Variants in RGS6 observed in about 807,000 individuals in gnomAD.
The protein encoded by RGS6 is regulator of G protein signaling 6.
Under a neutral mutation model 78.5 loss-of-function variants are expected in RGS6, and 30 were observed. The ratio of observed to expected loss-of-function variants is 0.38; its 90% CI spans 0.29 to 0.52. The LOEUF (loss-of-function observed/expected upper bound fraction) is 0.52. Ranked by LOEUF, RGS6 falls within the 20% of genes least tolerant of loss-of-function variation. The probability of loss-of-function intolerance (pLI) is 0.85; values close to 1 mark genes in which losing one functional copy is unlikely to be tolerated. For synonymous variants in RGS6, 206 were observed against 206.0 expected (o/e 1.00, Z 0.00); for missense variants, 495 against 609.7 (o/e 0.81, Z 1.98).
rs112362956 is a variant in RGS6 at position 72,325,998 on chromosome 14, C to T, written c.85-26097C>T. Among the ~76,000 whole-genome samples the T allele has an allele frequency of 9.2e-3, 1,397 of 152,286 alleles. 10 individuals are homozygous for T. The highest frequency in any genetic ancestry group is 0.023 in the South Asian group (112 of 4,822). ...GAGCAAATTGCCAGTATTTATCATG[C>T]AACTTGCATGTATCTCCTGACTCAG... On this transcript the variant is annotated intron_variant, in intron 2 of 17. Coordinates refer to ENST00000553525, the MANE Select transcript of RGS6 (RefSeq NM_001204424.2).
At chr14:72,629,678 C>T in the RGS6 span, 1 of 1,536,102 alleles carries the variant, frequency 6.5e-7, no homozygotes, top group Non-Finnish European at 8.7e-7. Flanking sequence ...TGCACTGCCA[C>T]TTGTAGGTCT....
At chr14:71,949,995 G>C (rs2092117461) in intron 1 of RGS6, among the ~76,000 whole-genome samples, 1 of 152,036 alleles carries the variant, frequency 6.6e-6, no homozygotes, top group South Asian at 2.1e-4. Flanking sequence ...GTCTGTCTCT[G>C]TGTTTTCTAG....
rs142867120 is a variant in RGS6, at chr14:72,518,250, C to G, written c.1092-101C>G. On this transcript the variant is annotated intron_variant, in intron 14 of 17. Coordinates refer to ENST00000553525, the MANE Select transcript of RGS6 (RefSeq NM_001204424.2). ...TGGCATCAGGGCAGGCTGAGAGATG[C>G]AGCAGAATGGGTTTCATGGGACATC... The G allele has an allele frequency of 3.6e-5, 40 of 1,119,392 alleles. No homozygotes were observed. The East Asian group carries it at 6.4e-4, about 18-fold the overall frequency. 69.3% of individuals were successfully genotyped at this position (1,119,392 alleles called of 1,614,324 possible). A position where few individuals can be genotyped will look rare whatever the true frequency, so the allele number is the denominator to read the frequency against.
At chr14:72,063,648 T>C (rs966319025) in intron 2 of RGS6, among the ~76,000 whole-genome samples, 26 of 152,050 alleles carry the variant, frequency 1.7e-4, no homozygotes, top group African/African-American at 6.3e-4. Flanking sequence ...TTAGTAGAGA[T>C]AAAGAAATTG....
intron 2 of RGS6, among the ~76,000 whole-genome samples, chr14:72,350,302 G>C (rs554521317): frequency 2.6e-5 from 4 of 152,252 alleles, no homozygotes; most frequent in Non-Finnish European, 5.9e-5. Context: ...ATGGCTCAGG[G>C]GTTAGATGCC....
intron 2 of RGS6, among the ~76,000 whole-genome samples, chr14:72,078,235 G>A (rs534105197): frequency 7.2e-5 from 11 of 152,124 alleles, no homozygotes; most frequent in Admixed American, 7.2e-4. Flanking sequence ...CTCTTGCACC[G>A]GCCATGTAAG....
At chr14:72,622,276 G>T in the RGS6 span, among the ~76,000 whole-genome samples, 1 of 152,040 alleles carries the variant, frequency 6.6e-6, no homozygotes, top group African/African-American at 2.4e-5. Flanking sequence ...GTACACTTGG[G>T]GTACTCCAAC....
intron 2 of RGS6, among the ~76,000 whole-genome samples, chr14:72,323,599 C>T (rs1362208288): frequency 1.3e-5 from 2 of 151,110 alleles, no homozygotes; most frequent in East Asian, 1.9e-4. Flanking sequence ...GTCAGGAGTT[C>T]GTGACCTGCC....
chr14:72,120,733 C>G (rs2096027428), intron 2 of RGS6, among the ~76,000 whole-genome samples: 1 of 152,082 alleles, frequency 6.6e-6, no homozygotes, highest in Non-Finnish European at 1.5e-5. Context: ...ATATGATACA[C>G]AAGAACATGT....
intron 2 of RGS6, among the ~76,000 whole-genome samples, chr14:72,028,061 T>C (rs545224589): frequency 1.3e-5 from 2 of 152,218 alleles, no homozygotes; most frequent in Non-Finnish European, 2.9e-5. Context: ...GACACTGATA[T>C]TGGATTTACA....
chr14:72,179,788 G>A (rs2097151254), intron 2 of RGS6, among the ~76,000 whole-genome samples: 1 of 151,946 alleles, frequency 6.6e-6, no homozygotes, highest in Admixed American at 6.6e-5. Context: ...CATCACCTGG[G>A]AACTTGTTAC....
the RGS6 span, among the ~76,000 whole-genome samples, chr14:72,574,680 A>T: frequency 6.6e-6 from 1 of 152,296 alleles, no homozygotes; most frequent in African/African-American, 2.4e-5. Context: ...TGCGAGTAAG[A>T]GGGGCATAGG....
chr14:72,252,595 C>G (rs2056082308), intron 2 of RGS6, among the ~76,000 whole-genome samples: 1 of 152,144 alleles, frequency 6.6e-6, no homozygotes, highest in African/African-American at 2.4e-5. Context: ...GAAGTGCTGT[C>G]ATTCACAATT....
intron 14 of RGS6, among the ~76,000 whole-genome samples, chr14:72,513,291 C>T (rs2096901138): frequency 1.3e-5 from 2 of 152,214 alleles, no homozygotes; most frequent in South Asian, 2.1e-4. Flanking sequence ...AAAGTGTCAC[C>T]CTGGATCCTT....
At chr14:72,174,493 G>A (rs529323364) in intron 2 of RGS6, among the ~76,000 whole-genome samples, 2 of 152,316 alleles carry the variant, frequency 1.3e-5, no homozygotes, top group East Asian at 3.9e-4. Flanking sequence ...TTAGGAGTAA[G>A]CTTGACAAGA....
chr14:72,174,284 G>A, intron 2 of RGS6, among the ~76,000 whole-genome samples: 1 of 152,176 alleles, frequency 6.6e-6, no homozygotes, highest in East Asian at 1.9e-4. Context: ...ATTTTGTAGA[G>A]ATGGGATTTC....
chr14:72,220,566 T>C (rs2190627), intron 2 of RGS6, among the ~76,000 whole-genome samples: 1 of 151,974 alleles, frequency 6.6e-6, no homozygotes, highest in Non-Finnish European at 1.5e-5. Flanking sequence ...AAGTGCCTAC[T>C]GAAGGCAGCA....
intron 2 of RGS6, among the ~76,000 whole-genome samples, chr14:72,194,752 A>C (rs558963383): frequency 6.6e-6 from 1 of 152,354 alleles, no homozygotes; most frequent in East Asian, 1.9e-4. Flanking sequence ...TTGTTATGGT[A>C]AAAAGAAAAA....
upstream of RGS6, among the ~76,000 whole-genome samples, chr14:71,932,133 GTC>G (rs2087916902): frequency 6.6e-6 from 1 of 152,236 alleles, no homozygotes; most frequent in Non-Finnish European, 1.5e-5. Flanking sequence ...GGTCGAGCCA[GTC>G]TCTCGGTTTT....
Sources: allele counts gnomAD v4.1 joint callset (sites outside exome capture counted in the v4.1 genomes callset), GRCh38; gene constraint gnomAD v4.1.1; transcripts MANE v1.5; gene names NCBI Gene and HGNC (gene_info 2026-07-23, HGNC 2026-07-21).